CELSR2: variants seen among roughly 807,000 people sequenced by gnomAD.
The protein encoded by CELSR2 is EGF-like protein 2.
CELSR2 carries 81 observed loss-of-function variants against 251.6 expected under a neutral mutation model. That is an observed-to-expected ratio of 0.32 (90% confidence interval 0.27 to 0.39). CELSR2 has a LOEUF of 0.39. CELSR2 is among the 10% of genes least tolerant of loss of function. CELSR2 has a pLI of 1.00. For missense variants in CELSR2, 3,365 were observed against 3,947.7 expected (o/e 0.85, Z 3.96); for synonymous variants, 1,721 against 1,670.5 (o/e 1.03, Z -0.74).
intron 12 of CELSR2, 69 bp downstream of exon 12, chr1:109,265,078 GC>G (rs1361402991): frequency 6.9e-5 from 111 of 1,602,508 alleles, no homozygotes; most frequent in Non-Finnish European, 9.3e-5. Context: ...GTCCCTCAGA[GC>G]CCCGAAAGCC....
rs1430066558 is a variant in CELSR2, at chr1:109,253,206, G to C, written c.3127G>C (p.Gly1043Arg). ...CACCAATCGCTCAAGCAGCTTCCCT[G>C]GGGGTGCCATTGGCCGAGTACCTGC... ...YVTNRSSSFP[G>R]GAIGRVPAHD... The change falls in exon 1 of 34, where the codon GGG (glycine) becomes CGG (arginine). Residue 1043 changes from glycine (G) to arginine (R), a missense_variant. This residue lies in a region of CELSR2 where 505 missense variants were observed against 660.0 expected (regional missense o/e 0.77). Transcript: ENST00000271332. 1 of 1,613,588 alleles carries C rather than the reference G, an allele frequency of 6.2e-7. No individual in the cohort carries two copies. The highest frequency in any genetic ancestry group is 8.5e-7 in the Non-Finnish European group (1 of 1,180,040).
At chr1:109,256,668 G>A (rs893904472) in intron 1 of CELSR2, among the ~76,000 whole-genome samples, 7 of 151,280 alleles carry the variant, frequency 4.6e-5, no homozygotes, top group Non-Finnish European at 1.0e-4. Context: ...TTGGGACAGA[G>A]TCTCACTCTG....
rs1358730405 is a variant in CELSR2, at chr1:109,261,746, C to T, written c.4298-62C>T. On this transcript the variant is annotated intron_variant, in intron 4 of 33. Transcript: ENST00000271332. This position sits in a 1 kb window ranked among gnomAD's most constrained non-coding sequence, Gnocchi z 4.8. ...CTGGGCCCAGCCCCAGCCACTGGCA[C>T]CCCAAACCCTGCCATTCCTAGCCCT... 3.2e-6 allele frequency: 5 copies of T among 1,553,328 alleles called. No individual in the cohort carries two copies. Among genetic ancestry groups the T allele is most frequent in the African/African-American group, 1.4e-5 (1 of 73,470 alleles).
At position 109,250,745 on chromosome 1, in the gene CELSR2, C is replaced by T. The variant is rs1655663292; in HGVS notation, c.666C>T (p.Ala222=). ...GTCGACTGGAGTACACCATGGATGCCCTCTTTGATAGCCGCTCCAACCAGT... is the reference window on the plus strand; with the variant it reads ...GTCGACTGGAGTACACCATGGATGCTCTCTTTGATAGCCGCTCCAACCAGT... ...EAGRLEYTMD[A]LFDSRSNQFF... Residue 222 remains alanine (A), a synonymous_variant, in exon 1 of 34, where the codon GCC becomes GCT. Transcript: ENST00000271332. The surrounding 1 kb of genome is among the most constrained non-coding windows in gnomAD (Gnocchi z 4.4). 6.2e-7 allele frequency: 1 copy of T among 1,614,106 alleles called. No homozygotes were observed. The highest frequency in any genetic ancestry group is 8.5e-7 in the Non-Finnish European group (1 of 1,180,022).
chr1:109,264,077 G>C lies in CELSR2; in HGVS notation c.5002-1G>C, dbSNP rs1347425036. The C allele has an allele frequency of 6.4e-7, 1 of 1,570,420 alleles. No individual in the cohort carries two copies. The highest frequency in any genetic ancestry group is 8.7e-7 in the Non-Finnish European group (1 of 1,152,718). Reference sequence around the variant, plus strand: ...CCTGTTTTCTTTCCTCCTGGTGTCAGCTACGAGAGGGCCACGTGATGCTGA... The same window carrying C: ...CCTGTTTTCTTTCCTCCTGGTGTCACCTACGAGAGGGCCACGTGATGCTGA... On this transcript the variant is annotated splice_acceptor_variant, in intron 9 of 33. Transcript: ENST00000271332. LOFTEE classifies it high-confidence loss of function.
chr1:109,252,321 A>G lies in CELSR2; in HGVS notation c.2242A>G (p.Thr748Ala), dbSNP rs775553824. Reference sequence around the variant, plus strand: ...GGACACAGGTGAGAATGCCCGCATCACCTACTTCATGGAGGACAGCATCCC... The same window carrying G: ...GGACACAGGTGAGAATGCCCGCATCGCCTACTTCATGGAGGACAGCATCCC... ...DEDTGENARITYFMEDSIPQF... is the reference protein window; with the variant it reads ...DEDTGENARIAYFMEDSIPQF... The change falls in exon 1 of 34, where the codon ACC becomes GCC. Residue 748 changes from threonine (T) to alanine (A), a missense_variant. This residue lies in a region of CELSR2 where 505 missense variants were observed against 660.0 expected (regional missense o/e 0.77). Transcript: ENST00000271332. The surrounding 1 kb of genome is among the most constrained non-coding windows in gnomAD (Gnocchi z 4.8). The G allele has an allele frequency of 6.2e-7, 1 of 1,613,092 alleles. No individual in the cohort carries two copies. The highest frequency in any genetic ancestry group is 1.1e-5 in the South Asian group (1 of 91,078).
chr1:109,252,784 G>GCA lies in CELSR2; in HGVS notation c.2709_2710dup (p.Pro904HisfsTer5). On this transcript the variant is annotated frameshift_variant, in exon 1 of 34. Coordinates refer to ENST00000271332, the MANE Select transcript of CELSR2 (RefSeq NM_001408.3). LOFTEE classifies it high-confidence loss of function. The surrounding 1 kb of genome is among the most constrained non-coding windows in gnomAD (Gnocchi z 4.8). ...GTGGACAAGGGGATGCCCCCAGCCC[G>GCA]CACACCTATGGAAGTGACAGTCACT... 1 of 1,613,976 alleles carries GCA rather than the reference G, an allele frequency of 6.2e-7. No homozygotes were observed. Among genetic ancestry groups the GCA allele is most frequent in the Non-Finnish European group, 8.5e-7 (1 of 1,180,030 alleles).
At chr1:109,271,149 GGGCCC>G in intron 25 of CELSR2, 63 bp from the exon 26 acceptor site, 1 of 1,546,662 alleles carries the variant, frequency 6.5e-7, no homozygotes, top group Non-Finnish European at 8.9e-7. Context: ...TGAGGCCACG[GGGCCC>G]TGTGGGCTGG....
At position 109,264,377 on chromosome 1, in the gene CELSR2, G is replaced by A. The variant is rs556866207; in HGVS notation, c.5289+12G>A. 4.4e-6 allele frequency: 7 copies of A among 1,602,158 alleles called. No homozygotes were observed. The East Asian group carries it at 1.6e-4, about 36-fold the overall frequency. On this transcript the variant is annotated intron_variant, in intron 10 of 33. Transcript: ENST00000271332. ...GGGGCTGTTTGCAGGTGAGTGTCCT[G>A]CCCTGCCCTCCCATCCCCTCCCCCA...
In CELSR2 at chr1:109,265,195, G is replaced by T; in HGVS notation, c.5611G>T (p.Asp1871Tyr). ...TACCTGGGTCCCTCTCTGCAGGATT[G>T]ACCAGCCTTGTCCCCGTGGCTGGTG... ...YLGPYCETRI[D>Y]QPCPRGWWGH... The change falls in exon 13 of 34, where the codon GAC becomes TAC. Residue 1871 changes from aspartate to tyrosine, a missense_variant. By Grantham distance (160) the Asp-to-Tyr change is radical. Coordinates refer to ENST00000271332, the MANE Select transcript of CELSR2 (RefSeq NM_001408.3). The T allele has an allele frequency of 6.2e-7, 1 of 1,600,178 alleles. No individual in the cohort carries two copies. The highest frequency in any genetic ancestry group is 1.1e-5 in the South Asian group (1 of 88,456).
intron 23 of CELSR2, 28 bp downstream of exon 23, chr1:109,270,161 G>C: frequency 6.2e-7 from 1 of 1,609,468 alleles, no homozygotes; most frequent in Non-Finnish European, 8.5e-7. Context: ...CCCAGAAACT[G>C]TCCCCACCTT....
At chr1:109,267,710 C>T (rs1474201418) in intron 16 of CELSR2, 68 bp downstream of exon 16, 1 of 1,575,388 alleles carries the variant, frequency 6.3e-7, no homozygotes, top group African/African-American at 1.3e-5. Flanking sequence ...CCCCCACTCC[C>T]ATCTTTGAGA....
Position 109,262,362 on chromosome 1 carries a change from G to A in CELSR2, c.4462G>A (p.Asp1488Asn). Residue 1488 changes from aspartate (D) to asparagine (N), a missense_variant, in exon 6 of 34, where the codon GAC (aspartate) becomes AAC (asparagine). By Grantham distance (23) the Asp-to-Asn change is conservative (BLOSUM62 1). Transcript: ENST00000271332. ...KVAVVTVDGC[D>N]TGVALRFGSV... ...GGCTGTGGTGACCGTGGATGGCTGT[G>A]ACACAGGAGTGGCCTTGCGCTTCGG... is the stretch of plus-strand genomic sequence containing the variant. 6.2e-7 allele frequency: 1 copy of A among 1,614,202 alleles called. No homozygotes were observed. The highest frequency in any genetic ancestry group is 1.3e-5 in the African/African-American group (1 of 75,060).
intron 1 of CELSR2, among the ~76,000 whole-genome samples, chr1:109,257,798 TG>T (rs539506735): frequency 5.3e-5 from 8 of 152,172 alleles, no homozygotes; most frequent in Non-Finnish European, 1.0e-4. Context: ...CTGGATTTCC[TG>T]GGGTGGGGCC....
Position 109,252,818 on chromosome 1 carries a change from TG to T in CELSR2, c.2740del (p.Val914Ter). 1 of 1,613,962 alleles carries T rather than the reference TG, an allele frequency of 6.2e-7. No homozygotes were observed. Among genetic ancestry groups the T allele is most frequent in the Non-Finnish European group, 8.5e-7 (1 of 1,180,014 alleles). ...TGGAAGTGACAGTCACTGTGTTGGA[TG>T]TGAATGACAATCCCCCTGTCTTTGA... ...PMEVTVTVLDVNDNPPVFEQD... is the reference protein window; with the variant it reads ...PMEVTVTVLDXNDNPPVFEQD... On this transcript the variant is annotated frameshift_variant, in exon 1 of 34. Transcript: ENST00000271332. LOFTEE classifies it high-confidence loss of function. The surrounding 1 kb of genome is among the most constrained non-coding windows in gnomAD (Gnocchi z 4.8).
In CELSR2 at chr1:109,274,169, A is replaced by G; in HGVS notation, c.*120A>G. ...CCATCGCCTGCCCGCAGCAGCGACG[A>G]AACGTCCATCTGAGGAGCCTGGGCC... On this transcript the variant is annotated 3_prime_UTR_variant, in exon 34 of 34. Coordinates refer to ENST00000271332, the MANE Select transcript of CELSR2 (RefSeq NM_001408.3). 1.3e-6 allele frequency: 2 copies of G among 1,598,084 alleles called. No individual in the cohort carries two copies. Among genetic ancestry groups the G allele is most frequent in the Non-Finnish European group, 1.7e-6 (2 of 1,174,696 alleles).
rs1414625908 is a variant in CELSR2, at chr1:109,270,928, G to A, written c.7485G>A (p.Gly2495=). 2.5e-6 allele frequency: 4 copies of A among 1,610,752 alleles called. No homozygotes were observed. The highest frequency in any genetic ancestry group is 3.4e-6 in the Non-Finnish European group (4 of 1,177,718). Residue 2495 remains glycine, a splice_region_variant and synonymous_variant, in exon 25 of 34, where the codon GGG becomes GGA. Coordinates refer to ENST00000271332, the MANE Select transcript of CELSR2 (RefSeq NM_001408.3). ...LGWGVPAFIT[G]LAVGLDPEGY... is the part of the protein sequence containing the mutation. ...CTCCCGTCTGTCTCCATGCTCCAGGGCTAGCCGTGGGCCTGGACCCCGAGG... is the reference window on the plus strand; with the variant it reads ...CTCCCGTCTGTCTCCATGCTCCAGGACTAGCCGTGGGCCTGGACCCCGAGG...
chr1:109,266,284 C>T (rs879430083), intron 15 of CELSR2, 78 bp downstream of exon 15: 1 of 1,542,504 alleles, frequency 6.5e-7, no homozygotes, highest in South Asian at 1.2e-5. Context: ...AAGCTCCTGG[C>T]TGAAGATCCG....
intron 1 of CELSR2, among the ~76,000 whole-genome samples, chr1:109,254,317 C>T (rs966929791): frequency 1.3e-5 from 2 of 152,138 alleles, no homozygotes; most frequent in East Asian, 1.9e-4. Flanking sequence ...AGTCCCAGGG[C>T]GTGGGAGCCT....
Sources: allele counts gnomAD v4.1 joint callset (sites outside exome capture counted in the v4.1 genomes callset), GRCh38; gene constraint gnomAD v4.1.1; regional missense constraint gnomAD v4.1.1; non-coding constraint Gnocchi (gnomAD v3.1); transcripts MANE v1.5; gene names NCBI Gene and HGNC (gene_info 2026-07-23, HGNC 2026-07-21).